The following KALRN variants were observed in gnomAD, a reference collection of about 807,000 sequenced individuals.
KALRN encodes kalirin.
KALRN carries 70 observed loss-of-function variants against 353.7 expected under a neutral mutation model. That is an observed-to-expected ratio of 0.20 (90% confidence interval 0.16 to 0.24). The LOEUF is 0.24. KALRN is among the 10% of genes least tolerant of loss of function. The pLI, the probability that KALRN is intolerant of heterozygous loss-of-function variation, is 1.00. For missense variants in KALRN, 2,791 were observed against 3,756.7 expected, an observed-to-expected ratio of 0.74 and a Z score of 6.72; for synonymous variants, 1,391 against 1,434.8, an observed-to-expected ratio of 0.97 and a Z score of 0.69.
chr3:124,293,640 A>C (rs1347017180), intron 5 of KALRN, among the ~76,000 whole-genome samples: 2 of 152,208 alleles, frequency 1.3e-5, no homozygotes, highest in Admixed American at 1.3e-4. Flanking sequence ...AGGAAAAAAA[A>C]ACCCCAAATG....
intron 34 of KALRN, among the ~76,000 whole-genome samples, chr3:124,578,138 C>G (rs766177853): frequency 2.0e-5 from 3 of 152,208 alleles, no homozygotes; most frequent in Non-Finnish European, 4.4e-5. Flanking sequence ...TCTCATGGAA[C>G]AGGCCTTATT....
At chr3:124,367,098 C>T (rs1393469216) in intron 10 of KALRN, among the ~76,000 whole-genome samples, 10 of 119,784 alleles carry the variant, frequency 8.3e-5, no homozygotes, top group Admixed American at 4.6e-4. Context: ...GGGTGGCTGG[C>T]CGGGCTGAGG....
At chr3:124,188,085 T>C (rs1014075471) in intron 1 of KALRN, among the ~76,000 whole-genome samples, 8 of 152,120 alleles carry the variant, frequency 5.3e-5, no homozygotes, top group African/African-American at 1.9e-4. Context: ...TTATTGAGAC[T>C]CTTCAGGCTG....
intron 38 of KALRN, among the ~76,000 whole-genome samples, chr3:124,652,018 G>C (rs372791846): frequency 6.6e-6 from 1 of 152,176 alleles, no homozygotes; most frequent in African/African-American, 2.4e-5. Flanking sequence ...CTCAGCATGT[G>C]AGAGATTATA....
chr3:124,093,807 T>C (rs903455280), intron 1 of KALRN, among the ~76,000 whole-genome samples: 2 of 152,218 alleles, frequency 1.3e-5, no homozygotes, highest in Non-Finnish European at 2.9e-5. Flanking sequence ...CAGGGAAGTC[T>C]GCCTGGATTC....
rs1198834498 is a variant in KALRN at position 124,461,935 on chromosome 3, G to C, written c.3900G>C (p.Arg1300Ser). 3 of 1,613,106 alleles carry C rather than the reference G, an allele frequency of 1.9e-6. No homozygotes were observed. The highest frequency in any genetic ancestry group is 2.5e-6 in the Non-Finnish European group (3 of 1,179,150). The change falls in exon 24 of 60, where the codon AGG (arginine) becomes AGC (serine). Residue 1300 changes from arginine to serine, a missense_variant. By Grantham distance (110) the Arg-to-Ser change is moderately radical. This residue lies in a region of KALRN where 268 missense variants were observed against 347.0 expected (regional missense o/e 0.77). Transcript: ENST00000682506. ...ELLQTEKAYV[R>S]DLHECLETYL... ...TCCAGACAGAGAAGGCTTATGTAAG[G>C]GATTTGCATGAGTGCTTAGAGGTGA... is the stretch of plus-strand genomic sequence containing the variant.
At chr3:124,095,043 T>A in intron 1 of KALRN, 1 of 821,922 alleles carries the variant, frequency 1.2e-6, no homozygotes, top group Non-Finnish European at 2.0e-6. Flanking sequence ...CAGAGGCAAG[T>A]AGCAAACCCA....
chr3:124,063,012 C>T (rs985366934), intron 1 of KALRN, among the ~76,000 whole-genome samples: 1 of 152,108 alleles, frequency 6.6e-6, no homozygotes, highest in Non-Finnish European at 1.5e-5. Flanking sequence ...GAGGAGAGAG[C>T]TAGATGCACA....
chr3:124,519,104 C>T, intron 33 of KALRN: 1 of 985,852 alleles, frequency 1.0e-6, no homozygotes, highest in African/African-American at 1.7e-5. Flanking sequence ...GTTTTTCTAG[C>T]TCCTCCATAA....
intron 34 of KALRN, among the ~76,000 whole-genome samples, chr3:124,573,024 G>C (rs62267575): frequency 6.6e-6 from 1 of 151,892 alleles, no homozygotes; most frequent in African/African-American, 2.4e-5. Context: ...GCGGCAGAGC[G>C]AGACCCTGTC....
intron 13 of KALRN, among the ~76,000 whole-genome samples, chr3:124,408,466 A>T (rs965992597): frequency 1.3e-5 from 2 of 152,198 alleles, no homozygotes; most frequent in Non-Finnish European, 2.9e-5. Context: ...CATGGGAGAA[A>T]CTATATGACT....
rs531613142 is a variant in KALRN at position 124,180,472 on chromosome 3, AG to A, written c.74-47517del. ...ACCTAGAAAAAGAAGGGAAAAGAAA[AG>A]AAGGTGCACAGGGAACTGGCAAGAA... On this transcript the variant is annotated intron_variant, in intron 1 of 59. Transcript: ENST00000682506. Among the ~76,000 whole-genome samples the A allele has an allele frequency of 4.6e-5, 7 of 152,316 alleles. No individual in the cohort carries two copies. The South Asian group carries it at 1.5e-3, about 32-fold the overall frequency.
chr3:124,268,785 C>T lies in KALRN; in HGVS notation c.499C>T (p.Pro167Ser), dbSNP rs2073851710. The T allele has an allele frequency of 6.2e-7, 1 of 1,614,068 alleles. No individual in the cohort carries two copies. The highest frequency in any genetic ancestry group is 8.5e-7 in the Non-Finnish European group (1 of 1,179,968). Residue 167 changes from proline to serine, a missense_variant, in exon 5 of 60, where the codon CCC (proline) becomes TCC (serine). This residue lies in a region of KALRN where 110 missense variants were observed against 204.1 expected (regional missense o/e 0.54). Coordinates refer to ENST00000682506, the MANE Select transcript of KALRN (RefSeq NM_001388419.1). ...GGAGGGCCTCACAAAGCTGGTGGAC[C>T]CCTCCCAGCTGACGGAGGAGTTTGA... ...SVEGLTKLVD[P>S]SQLTEEFDGS...
intron 6 of KALRN, among the ~76,000 whole-genome samples, chr3:124,325,675 C>T (rs1345137581): frequency 6.6e-6 from 1 of 152,134 alleles, no homozygotes; most frequent in Non-Finnish European, 1.5e-5. Flanking sequence ...CTGGGAATGA[C>T]TTCATAAGAT....
intron 57 of KALRN, among the ~76,000 whole-genome samples, chr3:124,703,143 C>T (rs141416778): frequency 7.2e-5 from 11 of 152,260 alleles, no homozygotes; most frequent in South Asian, 2.1e-4. Flanking sequence ...TTTTAACTGA[C>T]GTGGTTGTGA....
chr3:124,328,860 A>C (rs1318709031), intron 7 of KALRN, among the ~76,000 whole-genome samples: 1 of 152,252 alleles, frequency 6.6e-6, no homozygotes, highest in Non-Finnish European at 1.5e-5. Context: ...AGGTATTACT[A>C]GTCCTTCAGG....
intron 1 of KALRN, among the ~76,000 whole-genome samples, chr3:124,069,460 C>G (rs1223520764): frequency 6.6e-6 from 1 of 152,112 alleles, no homozygotes; most frequent in Non-Finnish European, 1.5e-5. Flanking sequence ...TCGTGCACAG[C>G]CCAGGGTCAG....
intron 34 of KALRN, among the ~76,000 whole-genome samples, chr3:124,589,146 G>A (rs888415906): frequency 3.3e-5 from 5 of 152,158 alleles, no homozygotes; most frequent in African/African-American, 1.2e-4. Context: ...CTTTGTTCCA[G>A]AATTCTCAGC....
intron 1 of KALRN, among the ~76,000 whole-genome samples, chr3:124,154,431 A>G (rs1325000347): frequency 2.0e-5 from 3 of 152,244 alleles, no homozygotes; most frequent in East Asian, 1.9e-4. Flanking sequence ...TACAAAATCA[A>G]TGTACAAAAA....
Sources: allele counts gnomAD v4.1 joint callset (sites outside exome capture counted in the v4.1 genomes callset), GRCh38; gene constraint gnomAD v4.1.1; regional missense constraint gnomAD v4.1.1; transcripts MANE v1.5; gene names NCBI Gene and HGNC (gene_info 2026-07-23, HGNC 2026-07-21).